DOCK4: variants seen among roughly 807,000 people sequenced by gnomAD.
The protein encoded by DOCK4 is dedicator of cytokinesis protein 4.
In DOCK4, 97 loss-of-function variants were observed where a neutral mutation model predicts 268.1. The ratio of observed to expected loss-of-function variants is 0.36; its 90% confidence interval spans 0.31 to 0.43. The LOEUF is 0.43. Ranked by LOEUF, DOCK4 falls within the 20% of genes least tolerant of loss-of-function variation. DOCK4 has a pLI of 1.00. For synonymous variants in DOCK4, 954 were observed against 887.2 expected (o/e 1.08, Z -1.34); for missense variants, 2,145 against 2,455.7 (o/e 0.87, Z 2.67).
chr7:111,900,524 A>T lies in DOCK4; in HGVS notation c.1330T>A (p.Phe444Ile). 3 of 1,610,660 alleles carry T rather than the reference A, an allele frequency of 1.9e-6. No homozygotes were observed. Among genetic ancestry groups the T allele is most frequent in the Non-Finnish European group, 2.5e-6 (3 of 1,178,518 alleles). The change falls in exon 15 of 53, where the codon TTC becomes ATC. Residue 444 changes from phenylalanine to isoleucine, a missense_variant. Around this residue, in one of 2 missense-constraint regions of DOCK4, gnomAD observed 1,598 missense variants for 1,986.7 expected, o/e 0.80. Coordinates refer to ENST00000428084, the MANE Select transcript of DOCK4 (RefSeq NM_001363540.2). Reference protein sequence around the residue: ...SGQTLKDFISFGSGEPPASEY... With the variant: ...SGQTLKDFISIGSGEPPASEY... The stretch of plus-strand genomic sequence containing the variant: ...CTGGCTGGTGGCTCCCCAGAGCCGA[A>T]GGAGATAAAATCCTAACAAAGGGAA...
intron 8 of DOCK4, among the ~76,000 whole-genome samples, chr7:111,963,231 G>C (rs935370071): frequency 1.3e-5 from 2 of 151,842 alleles, no homozygotes; most frequent in African/African-American, 4.8e-5. Context: ...GAACAGCTCC[G>C]GACTACAGCT....
Position 111,739,159 on chromosome 7 carries a change from T to C in DOCK4, c.5207A>G (p.Tyr1736Cys). The C allele has an allele frequency of 1.9e-6, 3 of 1,613,970 alleles. No individual in the cohort carries two copies. The highest frequency in any genetic ancestry group is 2.2e-5 in the East Asian group (1 of 44,876). ...CTGCGAAGGCTCCACAGGTGTTGGA[T>C]AGATGGCACTGCATGGTCTCTCTCT... ...SPRERPCSAI[Y>C]PTPVEPSQRM... The change falls in exon 49 of 53, where the codon TAT (tyrosine) becomes TGT (cysteine). Residue 1736 changes from tyrosine to cysteine, a missense_variant. Coordinates refer to ENST00000428084, the MANE Select transcript of DOCK4 (RefSeq NM_001363540.2).
chr7:111,996,057 G>A (rs1799930761), intron 4 of DOCK4, among the ~76,000 whole-genome samples: 1 of 152,072 alleles, frequency 6.6e-6, no homozygotes, highest in Non-Finnish European at 1.5e-5. Flanking sequence ...TCCTATACAA[G>A]GTCAAGGAGG....
chr7:111,797,177 G>A (rs772876100), intron 30 of DOCK4, among the ~76,000 whole-genome samples: 13 of 152,118 alleles, frequency 8.5e-5, no homozygotes. Flanking sequence ...CAAGGACAGG[G>A]CATTTTTACC....
intron 39 of DOCK4, among the ~76,000 whole-genome samples, chr7:111,763,449 AATG>A (rs1200890429): frequency 6.6e-5 from 10 of 152,346 alleles, no homozygotes; most frequent in Non-Finnish European, 1.2e-4. Flanking sequence ...TTAAAAGAAG[AATG>A]ATATAGAAGA....
At chr7:112,199,368 G>A (rs10248735) in intron 1 of DOCK4, among the ~76,000 whole-genome samples, 6,396 of 152,146 alleles carry the variant, frequency 0.042, 189 homozygotes, top group African/African-American at 0.088. Context: ...TTTCCAAAAG[G>A]ATCATGATTA....
intron 51 of DOCK4, among the ~76,000 whole-genome samples, chr7:111,733,071 A>G (rs1223602448): frequency 6.6e-6 from 1 of 152,230 alleles, no homozygotes; most frequent in Non-Finnish European, 1.5e-5. Context: ...CACAGTCAAC[A>G]GGGTGAGAGT....
intron 49 of DOCK4, among the ~76,000 whole-genome samples, chr7:111,737,626 C>T (rs1795596888): frequency 6.6e-6 from 1 of 152,184 alleles, no homozygotes; most frequent in African/African-American, 2.4e-5. Context: ...GCCAGTTTTA[C>T]ATGGTTTTAC....
At chr7:112,009,845 G>A (rs977845269) in intron 1 of DOCK4, among the ~76,000 whole-genome samples, 31 of 152,186 alleles carry the variant, frequency 2.0e-4, no homozygotes, top group Non-Finnish European at 3.1e-4. Flanking sequence ...TTGAGACAGC[G>A]TCTCACCGTC....
chr7:112,048,997 G>T (rs371005803), intron 1 of DOCK4, among the ~76,000 whole-genome samples: 59 of 151,798 alleles, frequency 3.9e-4, no homozygotes, highest in African/African-American at 1.3e-3. Context: ...GACATACAAA[G>T]GCTGAAAGAA....
intron 8 of DOCK4, among the ~76,000 whole-genome samples, chr7:111,974,226 G>A (rs1331269650): frequency 1.3e-5 from 2 of 152,152 alleles, no homozygotes; most frequent in African/African-American, 2.4e-5. Context: ...CTCATTACAA[G>A]GTTTTGAACA....
chr7:112,044,691 C>T (rs1433508598), intron 1 of DOCK4, among the ~76,000 whole-genome samples: 2 of 152,114 alleles, frequency 1.3e-5, no homozygotes, highest in Admixed American at 6.6e-5. Flanking sequence ...TTACTCACCT[C>T]GTGAAATACA....
chr7:111,936,183 A>G (rs1794723313), intron 11 of DOCK4, among the ~76,000 whole-genome samples: 1 of 152,236 alleles, frequency 6.6e-6, no homozygotes, highest in African/African-American at 2.4e-5. Context: ...CAGCAAATTA[A>G]GCAAAATGAA....
intron 1 of DOCK4, among the ~76,000 whole-genome samples, chr7:112,022,946 T>C (rs1802454823): frequency 6.6e-6 from 1 of 152,162 alleles, no homozygotes; most frequent in African/African-American, 2.4e-5. Context: ...AGATGGAGTC[T>C]CACTCTGTTG....
intron 16 of DOCK4, among the ~76,000 whole-genome samples, chr7:111,890,225 T>C (rs1808179931): frequency 6.6e-6 from 1 of 152,202 alleles, no homozygotes; most frequent in African/African-American, 2.4e-5. Flanking sequence ...TTTGCTTCAT[T>C]CTCTTTTCTT....
chr7:111,809,395 C>A lies in DOCK4; in HGVS notation c.3013G>T (p.Asp1005Tyr). The A allele has an allele frequency of 6.4e-7, 1 of 1,557,326 alleles. No individual in the cohort carries two copies. Residue 1005 changes from aspartate (D) to tyrosine (Y), a missense_variant, in exon 29 of 53, where the codon GAT (aspartate) becomes TAT (tyrosine). Coordinates refer to ENST00000428084, the MANE Select transcript of DOCK4 (RefSeq NM_001363540.2). ...LNENFDYKIW[D>Y]SYFYLAVIFI... ...ATGACTGCGAGGTAAAAGTAGGAAT[C>A]CCAGATCTAAAACAAGAACAAGATA...
At chr7:112,179,716 G>C (rs569219977) in intron 1 of DOCK4, among the ~76,000 whole-genome samples, 14 of 151,974 alleles carry the variant, frequency 9.2e-5, no homozygotes, top group Non-Finnish European at 1.8e-4. Context: ...CAAAAACCCA[G>C]CTTAATTAGA....
At chr7:111,758,878 TG>T in intron 40 of DOCK4, 88 bp from the exon 41 acceptor site, 1 of 1,208,666 alleles carries the variant, frequency 8.3e-7, no homozygotes, top group Non-Finnish European at 1.2e-6. Context: ...GAGAAGAGGA[TG>T]GGTAACAATC....
chr7:111,916,813 AT>A (rs1200363569), intron 12 of DOCK4, among the ~76,000 whole-genome samples: 1 of 151,238 alleles, frequency 6.6e-6, no homozygotes, highest in African/African-American at 2.4e-5. Flanking sequence ...TATATTTTTA[AT>A]TTTTTTATTT....
Sources: allele counts gnomAD v4.1 joint callset (sites outside exome capture counted in the v4.1 genomes callset), GRCh38; gene constraint gnomAD v4.1.1; regional missense constraint gnomAD v4.1.1; transcripts MANE v1.5; gene names NCBI Gene and HGNC (gene_info 2026-07-23, HGNC 2026-07-21).